The following MGMT variants were observed in gnomAD, a reference collection of about 807,000 sequenced individuals.
MGMT encodes methylated-DNA--protein-cysteine methyltransferase.
MGMT carries 14 observed loss-of-function variants against 15.9 expected under a neutral mutation model. The ratio of observed to expected loss-of-function variants is 0.88; its 90% CI spans 0.58 to 1.37. The LOEUF is 1.37. Among genes scored for constraint, MGMT ranks in the 40% most tolerant of loss-of-function variants. The pLI is 0.00. For synonymous variants in MGMT, 130 were observed against 118.2 expected (o/e 1.10, Z -0.65); for missense variants, 282 against 268.1 (o/e 1.05, Z -0.36).
chr10:129,741,921 G>C (rs1015488824), intron 3 of MGMT, among the ~76,000 whole-genome samples: 4 of 152,208 alleles, frequency 2.6e-5, no homozygotes, highest in African/African-American at 9.7e-5. Flanking sequence ...GCCAGGTCAG[G>C]CCGTGGCTCT....
At chr10:129,552,813 T>C (rs923225519) in intron 2 of MGMT, among the ~76,000 whole-genome samples, 2 of 152,240 alleles carry the variant, frequency 1.3e-5, no homozygotes, top group African/African-American at 4.8e-5. Context: ...AAGCAGTCCG[T>C]CCTTTTCTGA....
intron 2 of MGMT, among the ~76,000 whole-genome samples, chr10:129,564,588 C>G (rs566052026): frequency 2.5e-5 from 2 of 78,994 alleles, no homozygotes; most frequent in East Asian, 7.4e-4. Context: ...CTCCTCCTCC[C>G]CCTCATTTTC....
At chr10:129,676,523 T>C (rs1847787873) in intron 2 of MGMT, among the ~76,000 whole-genome samples, 1 of 152,156 alleles carries the variant, frequency 6.6e-6, no homozygotes, top group South Asian at 2.1e-4. Flanking sequence ...GTGGCTGAGA[T>C]CAGCAAGACG....
chr10:129,539,061 C>T (rs1846015796), intron 2 of MGMT, among the ~76,000 whole-genome samples: 1 of 152,146 alleles, frequency 6.6e-6, no homozygotes, highest in East Asian at 1.9e-4. Context: ...AAGTTGGAGG[C>T]CTGCTTTTTT....
intron 1 of MGMT, among the ~76,000 whole-genome samples, chr10:129,470,624 G>C (rs1247338599): frequency 6.6e-6 from 1 of 152,176 alleles, no homozygotes; most frequent in Non-Finnish European, 1.5e-5. Flanking sequence ...AAGGTGCTCG[G>C]TCCCGGCAGC....
In MGMT at chr10:129,770,354, T is replaced by A. The variant is rs556265104; in HGVS notation, c.*3357T>A. Among the ~76,000 whole-genome samples, 1 of 152,066 alleles carries A rather than the reference T, an allele frequency of 6.6e-6. No individual in the cohort carries two copies. Among genetic ancestry groups the A allele is most frequent in the African/African-American group, 2.4e-5 (1 of 41,464 alleles). On this transcript the variant is annotated 3_prime_UTR_variant, in exon 5 of 5. Coordinates refer to ENST00000651593, the MANE Select transcript of MGMT (RefSeq NM_002412.5). ...CTGTGGAGTGGCGGACTCTGGGGAGTAGCTGGTCAGTGAGATTCTCGCAGC... is the reference window on the plus strand; with the variant it reads ...CTGTGGAGTGGCGGACTCTGGGGAGAAGCTGGTCAGTGAGATTCTCGCAGC...
chr10:129,713,627 A>G (rs568568173), intron 3 of MGMT, among the ~76,000 whole-genome samples: 14 of 152,214 alleles, frequency 9.2e-5, no homozygotes, highest in Non-Finnish European at 1.8e-4. Flanking sequence ...AACTTGACAC[A>G]AAGAGAAAAG....
rs536496756 is a variant in MGMT, at chr10:129,533,839, T to C, written c.-12-2402T>C. On this transcript the variant is annotated intron_variant, in intron 1 of 4. Transcript: ENST00000651593. The surrounding 1 kb of genome is among the most constrained non-coding windows in gnomAD (Gnocchi z 4.5). ...GCAGGGCGGAGGCTGTGGGCCAAGA[T>C]TGTGGCTCTGAGAAATGGAGATGGG... 1.1e-4 allele frequency among the ~76,000 whole-genome samples: 16 copies of C among 152,144 alleles called. No individual in the cohort carries two copies. The highest frequency in any genetic ancestry group is 2.6e-4 in the African/African-American group (11 of 41,528).
intron 4 of MGMT, 82 bp from the exon 5 acceptor site, chr10:129,766,706 G>C (rs1188223976): frequency 3.1e-6 from 4 of 1,305,838 alleles, no homozygotes; most frequent in Non-Finnish European, 3.2e-6. Flanking sequence ...CAGGACTCCT[G>C]TCAGTCAGGG....
intron 1 of MGMT, among the ~76,000 whole-genome samples, chr10:129,495,061 T>C (rs974164187): frequency 2.0e-5 from 3 of 152,252 alleles, no homozygotes; most frequent in Non-Finnish European, 1.5e-5. Flanking sequence ...ACTCAGGATA[T>C]TACCGACCCC....
chr10:129,704,147 T>C (rs1848131451), intron 2 of MGMT, among the ~76,000 whole-genome samples: 1 of 152,062 alleles, frequency 6.6e-6, no homozygotes, highest in Non-Finnish European at 1.5e-5. Context: ...AGAGCAAGAA[T>C]TGAATGACTG....
At chr10:129,546,926 G>A (rs1846104144) in intron 2 of MGMT, among the ~76,000 whole-genome samples, 1 of 152,164 alleles carries the variant, frequency 6.6e-6, no homozygotes, top group South Asian at 2.1e-4. Context: ...AGAACGTGGG[G>A]GTGGCTCAGT....
intron 2 of MGMT, among the ~76,000 whole-genome samples, chr10:129,610,275 G>A (rs1052331893): frequency 3.9e-5 from 6 of 152,046 alleles, no homozygotes; most frequent in African/African-American, 1.5e-4. Flanking sequence ...TGTATTAATG[G>A]CAAAGGCTTC....
chr10:129,596,569 C>T (rs917193177), intron 2 of MGMT, among the ~76,000 whole-genome samples: 2 of 152,166 alleles, frequency 1.3e-5, no homozygotes, highest in Admixed American at 6.5e-5. Flanking sequence ...GGGCGGGGGA[C>T]ACCCTGTGGA....
chr10:129,653,084 G>A (rs900834566), intron 2 of MGMT, among the ~76,000 whole-genome samples: 3 of 152,130 alleles, frequency 2.0e-5, no homozygotes, highest in Admixed American at 2.0e-4. Flanking sequence ...TTGGTCGTCC[G>A]GTCGGCTGTG....
At chr10:129,470,435 T>TG in intron 1 of MGMT, among the ~76,000 whole-genome samples, 1 of 152,302 alleles carries the variant, frequency 6.6e-6, no homozygotes, top group South Asian at 2.1e-4. Flanking sequence ...CTGCATAGTT[T>TG]GGGGGAAACT....
intron 2 of MGMT, among the ~76,000 whole-genome samples, chr10:129,632,370 C>T (rs1847219616): frequency 6.6e-6 from 1 of 152,130 alleles, no homozygotes; most frequent in South Asian, 2.1e-4. Context: ...ACAAGTGCTC[C>T]ATGAGGCAGT....
At chr10:129,759,930 T>A (rs929376008) in intron 4 of MGMT, among the ~76,000 whole-genome samples, 1 of 152,142 alleles carries the variant, frequency 6.6e-6, no homozygotes, top group Non-Finnish European at 1.5e-5. Flanking sequence ...CACACGCACC[T>A]CGTGTCTCAC....
Position 129,556,618 on chromosome 10 carries a change from G to A in MGMT, c.125+20241G>A, listed in dbSNP as rs1470048882. 6.6e-6 allele frequency among the ~76,000 whole-genome samples: 1 copy of A among 152,204 alleles called. No homozygotes were observed. The highest frequency in any genetic ancestry group is 2.4e-5 in the African/African-American group (1 of 41,464). ...CTTGCTGCAGCGGGAACGTCCTGCTGTAGAAGAGGCGCCGCCATCCCAGAC... is the reference window on the plus strand; with the variant it reads ...CTTGCTGCAGCGGGAACGTCCTGCTATAGAAGAGGCGCCGCCATCCCAGAC... On this transcript the variant is annotated intron_variant, in intron 2 of 4. Coordinates refer to ENST00000651593, the MANE Select transcript of MGMT (RefSeq NM_002412.5). The surrounding 1 kb of genome is among the most constrained non-coding windows in gnomAD (Gnocchi z 4.3).
Sources: allele counts gnomAD v4.1 joint callset (sites outside exome capture counted in the v4.1 genomes callset), GRCh38; gene constraint gnomAD v4.1.1; non-coding constraint Gnocchi (gnomAD v3.1); transcripts MANE v1.5; gene names NCBI Gene and HGNC (gene_info 2026-07-23, HGNC 2026-07-21).